Variants in SNX30 observed in about 807,000 individuals in gnomAD.
The protein encoded by SNX30 is sorting nexin-30.
A neutral mutation model predicts 46.4 loss-of-function variants in SNX30; 24 were observed. The observed-to-expected ratio is 0.52, with a 90% confidence interval of 0.37 to 0.73. The LOEUF (loss-of-function observed/expected upper bound fraction) is 0.73, where lower values mean the gene tolerates loss of function less well. Among genes scored for constraint, SNX30 ranks in the 30% least tolerant of loss-of-function variants. The pLI is 0.00. For synonymous variants in SNX30, 189 were observed against 211.5 expected (o/e 0.89, Z 0.92); for missense variants, 533 against 555.7 (o/e 0.96, Z 0.41).
intron 7 of SNX30, among the ~76,000 whole-genome samples, 196 bp downstream of exon 7, chr9:112,851,141 C>G (rs1401208898): frequency 6.6e-6 from 1 of 152,224 alleles, no homozygotes; most frequent in Admixed American, 6.5e-5. Flanking sequence ...GAGTTTTCCA[C>G]TGTTTCCTGG....
Position 112,785,080 on chromosome 9 carries a change from A to G in SNX30, c.157-19696A>G, listed in dbSNP as rs181636913. On this transcript the variant is annotated intron_variant, in intron 1 of 8. Coordinates refer to ENST00000374232, the MANE Select transcript of SNX30 (RefSeq NM_001012994.2). ...AACTCCTGTGTGTTGGAAAACACCT[A>G]TGTTTTGGTCTATAGAATAAATAGG... Among the ~76,000 whole-genome samples, 4 of 152,270 alleles carry G rather than the reference A, an allele frequency of 2.6e-5. 1 individual carries two copies. The highest frequency in any genetic ancestry group is 1.3e-4 in the Admixed American group (2 of 15,290).
intron 7 of SNX30, 128 bp downstream of exon 7, chr9:112,851,073 C>T (rs1240199280): frequency 8.8e-6 from 5 of 569,130 alleles, no homozygotes; most frequent in Middle Eastern, 3.6e-4. Flanking sequence ...ATGATGTTGT[C>T]CTTTTTCACT....
intron 6 of SNX30, among the ~76,000 whole-genome samples, chr9:112,844,037 G>A (rs149651891): frequency 6.6e-6 from 1 of 152,192 alleles, no homozygotes; most frequent in Non-Finnish European, 1.5e-5. Context: ...AGATTGTAGA[G>A]GATGAGAGTG....
At chr9:112,807,015 G>GT (rs1188754251) in intron 2 of SNX30, among the ~76,000 whole-genome samples, 2 of 137,438 alleles carry the variant, frequency 1.5e-5, no homozygotes, top group African/African-American at 5.4e-5. Context: ...GCCTGCTCCA[G>GT]TTTTTTGATG....
intron 1 of SNX30, among the ~76,000 whole-genome samples, chr9:112,788,543 G>A (rs1839966754): frequency 6.6e-6 from 1 of 152,010 alleles, no homozygotes; most frequent in Non-Finnish European, 1.5e-5. Flanking sequence ...CTGGATTGTG[G>A]TGTAGCACAG....
chr9:112,855,505 T>C (rs1471665289), intron 7 of SNX30, among the ~76,000 whole-genome samples: 1 of 152,134 alleles, frequency 6.6e-6, no homozygotes, highest in Non-Finnish European at 1.5e-5. Flanking sequence ...TCTGATCACT[T>C]TTTTGTAACC....
chr9:112,820,449 A>G (rs1840474092), intron 3 of SNX30, among the ~76,000 whole-genome samples: 1 of 152,182 alleles, frequency 6.6e-6, no homozygotes, highest in Non-Finnish European at 1.5e-5. Context: ...TAAGGAAGAC[A>G]AAGGACCCCT....
rs1277699270 is a variant in SNX30 at position 112,865,661 on chromosome 9, A to ATGTGTG, written c.1254+1265_1254+1266insGTGTGT. Among the ~76,000 whole-genome samples, 336 of 105,666 alleles carry ATGTGTG rather than the reference A, an allele frequency of 3.2e-3. 15 individuals are homozygous for ATGTGTG. Among genetic ancestry groups the ATGTGTG allele is most frequent in the African/African-American group, 0.012 (314 of 26,330 alleles). The allele number at this position is 105,666 out of a possible 152,430, so 69.3% of individuals were successfully genotyped here. A position where few individuals can be genotyped will look rare whatever the true frequency, so the allele number is the denominator to read the frequency against. ...TATATATATATATATATATATATAT[A>ATGTGTG]TGTATGTATGTATGCACACACACAC... On this transcript the variant is annotated intron_variant, in intron 8 of 8. Coordinates refer to ENST00000374232, the MANE Select transcript of SNX30 (RefSeq NM_001012994.2).
intron 2 of SNX30, among the ~76,000 whole-genome samples, chr9:112,811,670 G>C (rs1351831953): frequency 2.0e-5 from 3 of 152,152 alleles, no homozygotes; most frequent in Non-Finnish European, 4.4e-5. Flanking sequence ...TATGATTCTT[G>C]TGCTTGGTCA....
chr9:112,855,165 C>G (rs971396373), intron 7 of SNX30, among the ~76,000 whole-genome samples: 1 of 152,162 alleles, frequency 6.6e-6, no homozygotes, highest in Non-Finnish European at 1.5e-5. Context: ...TTTTGCTGTG[C>G]TTTGCCTGAT....
At chr9:112,826,706 CT>C (rs1162164006) in intron 3 of SNX30, among the ~76,000 whole-genome samples, 1 of 152,178 alleles carries the variant, frequency 6.6e-6, no homozygotes, top group East Asian at 1.9e-4. Flanking sequence ...AAATTTCCAT[CT>C]GATGCTCTTA....
At chr9:112,795,191 TGA>T (rs1219137200) in intron 1 of SNX30, among the ~76,000 whole-genome samples, 1 of 151,904 alleles carries the variant, frequency 6.6e-6, no homozygotes, top group South Asian at 2.1e-4. Flanking sequence ...TGTGTGTGTA[TGA>T]GAGAGAGAGA....
rs1295319561 is a variant in SNX30, at chr9:112,804,773, T to A, written c.157-3T>A. On this transcript the variant is annotated splice_polypyrimidine_tract_variant and splice_region_variant and intron_variant, in intron 1 of 8. Transcript: ENST00000374232. ...ATTTTAAGGTGCTCTTTTCTTCTTTTAGGATCTCATTTTGCCCAACGGTGG... is the reference window on the plus strand; with the variant it reads ...ATTTTAAGGTGCTCTTTTCTTCTTTAAGGATCTCATTTTGCCCAACGGTGG... 2 of 1,597,982 alleles carry A rather than the reference T, an allele frequency of 1.3e-6. No homozygotes were observed. The highest frequency in any genetic ancestry group is 2.2e-5 in the East Asian group (1 of 44,708).
At chr9:112,848,703 G>T (rs1018835459) in intron 6 of SNX30, among the ~76,000 whole-genome samples, 1 of 152,228 alleles carries the variant, frequency 6.6e-6, no homozygotes, top group Non-Finnish European at 1.5e-5. Context: ...TTCTGGCCAC[G>T]CTGGATAACA....
At chr9:112,772,513 G>A (rs546153659) in intron 1 of SNX30, among the ~76,000 whole-genome samples, 8 of 152,200 alleles carry the variant, frequency 5.3e-5, no homozygotes, top group African/African-American at 1.4e-4. Flanking sequence ...TCGTGTGTGC[G>A]TGTGGAGATA....
chr9:112,824,714 C>G (rs529038339), intron 3 of SNX30, among the ~76,000 whole-genome samples: 1 of 152,266 alleles, frequency 6.6e-6, no homozygotes, highest in African/African-American at 2.4e-5. Flanking sequence ...TGTCTGCATT[C>G]CTTGGCTCAT....
chr9:112,836,081 A>T, intron 4 of SNX30, 133 bp from the exon 5 acceptor site: 3 of 827,534 alleles, frequency 3.6e-6, no homozygotes, highest in Non-Finnish European at 5.7e-6. Flanking sequence ...GAATGTGATT[A>T]GAGCCTCTAA....
At chr9:112,868,687 C>T in intron 8 of SNX30, 97 bp from the exon 9 acceptor site, 1 of 1,267,042 alleles carries the variant, frequency 7.9e-7, no homozygotes, top group South Asian at 1.2e-5. Context: ...GGTAACCCAG[C>T]AGGATCGACA....
In SNX30 at chr9:112,775,675, T is replaced by A. The variant is rs576499671; in HGVS notation, c.156+24518T>A. Among the ~76,000 whole-genome samples the A allele has an allele frequency of 8.6e-5, 13 of 151,798 alleles. 1 individual carries two copies. In the South Asian group the frequency reaches 2.5e-3, roughly 29 times the overall value. On this transcript the variant is annotated intron_variant, in intron 1 of 8. Transcript: ENST00000374232. ...TTTGCCCAGGGCCTAGCATCCCCTT[T>A]CCCTGTCAGCAGGTTTCCCTCCTCA...
Sources: gnomAD v4.1 joint callset for allele counts (sites outside exome capture counted in the v4.1 genomes callset) on GRCh38, gnomAD v4.1.1 for gene constraint, MANE v1.5 for transcripts, NCBI Gene and HGNC (gene_info 2026-07-23, HGNC 2026-07-21) for gene names.